The following SMARCA2 variants were observed in gnomAD, a reference collection of about 807,000 sequenced individuals.
SMARCA2 encodes SWI/SNF related BAF chromatin remodeling complex subunit ATPase 2, also known as SWI/SNF-related matrix-associated actin-dependent regulator of chromatin subfamily A member 2.
Under a neutral mutation model 199.8 loss-of-function variants are expected in SMARCA2, and 61 were observed. The observed-to-expected ratio is 0.31, with a 90% confidence interval of 0.25 to 0.38. SMARCA2 has a LOEUF of 0.38. Among genes scored for constraint, SMARCA2 ranks in the 10% least tolerant of loss-of-function variants. The probability of loss-of-function intolerance (pLI) is 1.00; values close to 1 mark genes in which losing one functional copy is unlikely to be tolerated. For synonymous variants in SMARCA2, 935 were observed against 732.0 expected (o/e 1.28, Z -4.48); for missense variants, 1,344 against 2,012.2 (o/e 0.67, Z 6.35).
intron 24 of SMARCA2, among the ~76,000 whole-genome samples, chr9:2,114,716 A>G (rs138626178): frequency 3.2e-4 from 49 of 152,354 alleles, no homozygotes; most frequent in African/African-American, 1.1e-3. Flanking sequence ...AATTTCATGA[A>G]AGCTTTTTTC....
intron 12 of SMARCA2, among the ~76,000 whole-genome samples, chr9:2,076,020 C>T (rs1821309325): frequency 6.6e-6 from 1 of 151,862 alleles, no homozygotes; most frequent in Non-Finnish European, 1.5e-5. Context: ...CAGAGAGTTC[C>T]CTTCATTATC....
intron 3 of SMARCA2, among the ~76,000 whole-genome samples, chr9:2,036,280 A>G (rs1819329193): frequency 6.6e-6 from 1 of 152,048 alleles, no homozygotes; most frequent in Admixed American, 6.6e-5. Flanking sequence ...GAGAGAGGTT[A>G]TTGCATCTCT....
rs187859588 is a variant in SMARCA2 at position 2,097,616 on chromosome 9, G to C, written c.3078+145G>C. The C allele has an allele frequency of 8.8e-6, 5 of 569,220 alleles. No homozygotes were observed. The East Asian group carries it at 1.4e-4, about 16-fold the overall frequency. 35.3% of individuals were successfully genotyped at this position (569,220 alleles called of 1,614,324 possible). On this transcript the variant is annotated intron_variant, in intron 21 of 33. Coordinates refer to ENST00000349721, the MANE Select transcript of SMARCA2 (RefSeq NM_003070.5). ...TTGAGATGACATGATCTGATAGCTC[G>C]ACAAGCAGAATTAACAAACATGAGT...
rs147061898 is a variant in SMARCA2, at chr9:2,142,673, A to G, written c.3981+18736A>G. Among the ~76,000 whole-genome samples the G allele has an allele frequency of 9.1e-3, 1,379 of 152,352 alleles. 17 individuals are homozygous for G. Among genetic ancestry groups the G allele is most frequent in the African/African-American group, 0.031 (1,304 of 41,582 alleles). On this transcript the variant is annotated intron_variant, in intron 27 of 33. Coordinates refer to ENST00000349721, the MANE Select transcript of SMARCA2 (RefSeq NM_003070.5). ...AAAATAAGAAGATTGTGTAGTTACT[A>G]GTTAAAATAAAGGCAGTTTAAAGAG...
At chr9:2,156,793 C>T (rs1029673445) in intron 27 of SMARCA2, among the ~76,000 whole-genome samples, 4 of 152,142 alleles carry the variant, frequency 2.6e-5, no homozygotes, top group East Asian at 3.9e-4. Context: ...GTTGTGCAAC[C>T]ATCACCAACA....
intron 27 of SMARCA2, chr9:2,157,820 C>T (rs901381762): frequency 2.5e-6 from 1 of 398,174 alleles, no homozygotes; most frequent in Non-Finnish European, 4.4e-6. Flanking sequence ...ATTCTTTACA[C>T]CACCGGGTTG....
intron 9 of SMARCA2, among the ~76,000 whole-genome samples, chr9:2,067,393 C>G (rs1820890687): frequency 6.6e-6 from 1 of 152,224 alleles, no homozygotes; most frequent in Non-Finnish European, 1.5e-5. Flanking sequence ...ACAGAAATCC[C>G]TGACCTCATA....
At chr9:2,026,728 G>T (rs762721498) in intron 1 of SMARCA2, among the ~76,000 whole-genome samples, 3 of 152,138 alleles carry the variant, frequency 2.0e-5, no homozygotes, top group African/African-American at 7.2e-5. Flanking sequence ...AAATAAAAGG[G>T]TGTATTAGTG....
At chr9:2,031,794 G>A (rs1318894881) in intron 2 of SMARCA2, among the ~76,000 whole-genome samples, 1 of 152,186 alleles carries the variant, frequency 6.6e-6, no homozygotes, top group Non-Finnish European at 1.5e-5. Flanking sequence ...CACACCTGCT[G>A]ACCAGATGCC....
chr9:2,119,816 T>A lies in SMARCA2; in HGVS notation c.3762+281T>A, dbSNP rs1018197219. 6.6e-6 allele frequency among the ~76,000 whole-genome samples: 1 copy of A among 152,216 alleles called. No individual in the cohort carries two copies. Among genetic ancestry groups the A allele is most frequent in the East Asian group, 1.9e-4 (1 of 5,194 alleles). On this transcript the variant is annotated intron_variant, in intron 26 of 33. Coordinates refer to ENST00000349721, the MANE Select transcript of SMARCA2 (RefSeq NM_003070.5). The surrounding 1 kb of genome is among the most constrained non-coding windows in gnomAD (Gnocchi z 4.6). The stretch of plus-strand genomic sequence containing the variant: ...GAGATCGGGCAGTACCAGGCCCACA[T>A]CTTTGTGTGGAAACAGTTGGCCAGG...
At chr9:2,187,407 C>T (rs974868397) in intron 32 of SMARCA2, among the ~76,000 whole-genome samples, 1 of 152,010 alleles carries the variant, frequency 6.6e-6, no homozygotes, top group Non-Finnish European at 1.5e-5. Context: ...CATGTTGGCT[C>T]ACAAATATAA....
chr9:2,046,906 C>T (rs898364612), intron 4 of SMARCA2, among the ~76,000 whole-genome samples: 9 of 152,192 alleles, frequency 5.9e-5, no homozygotes, highest in African/African-American at 1.7e-4. Flanking sequence ...TGTATTAAGT[C>T]ACCGTCATTT....
intron 9 of SMARCA2, among the ~76,000 whole-genome samples, chr9:2,062,275 A>T (rs1820627664): frequency 1.3e-5 from 2 of 152,208 alleles, no homozygotes; most frequent in Non-Finnish European, 2.9e-5. Context: ...GAGAGATGGA[A>T]TTCTGGAATA....
intron 1 of SMARCA2, among the ~76,000 whole-genome samples, chr9:2,023,037 C>G (rs1317527799): frequency 6.6e-6 from 1 of 152,136 alleles, no homozygotes; most frequent in Non-Finnish European, 1.5e-5. Flanking sequence ...CTTTTTAAAA[C>G]AATTTTTCCT....
intron 9 of SMARCA2, among the ~76,000 whole-genome samples, chr9:2,067,664 C>A (rs1401728714): frequency 6.6e-6 from 1 of 152,196 alleles, no homozygotes; most frequent in Non-Finnish European, 1.5e-5. Context: ...TGCTCAAGAT[C>A]ATACAGCTAA....
intron 21 of SMARCA2, among the ~76,000 whole-genome samples, chr9:2,099,915 G>C (rs1822436944): frequency 6.6e-6 from 1 of 152,196 alleles, no homozygotes; most frequent in South Asian, 2.1e-4. Flanking sequence ...TGGAGACAGG[G>C]ATGGAGCCTA....
rs535671979 is a variant in SMARCA2, at chr9:2,186,481, C to G, written c.4594+253C>G. 3.9e-5 allele frequency among the ~76,000 whole-genome samples: 6 copies of G among 152,270 alleles called. No individual in the cohort carries two copies. In the South Asian group the frequency reaches 6.2e-4, roughly 16 times the overall value. ...TGTTTAGCATAGGCTGGGCTCCTAG[C>G]AAACACTGTTTTATTTCTTTTATTT... On this transcript the variant is annotated intron_variant, in intron 32 of 33. Transcript: ENST00000349721.
Position 2,086,111 on chromosome 9 carries a change from A to C in SMARCA2, c.2527-718A>C, listed in dbSNP as rs982772369. ...TTTTGCAGTGCGCTTTCTGCCAGTG[A>C]GTATATTCTTTTATTTTAGATAAAA... On this transcript the variant is annotated intron_variant, in intron 17 of 33. Coordinates refer to ENST00000349721, the MANE Select transcript of SMARCA2 (RefSeq NM_003070.5). The surrounding 1 kb of genome is among the most constrained non-coding windows in gnomAD (Gnocchi z 4.3). 5.9e-5 allele frequency: 9 copies of C among 152,254 alleles called. No homozygotes were observed. Among genetic ancestry groups the C allele is most frequent in the Non-Finnish European group, 1.0e-4 (7 of 68,090 alleles). 9.4% of individuals were successfully genotyped at this position (152,254 alleles called of 1,614,324 possible). A position where few individuals can be genotyped will look rare whatever the true frequency, so the allele number is the denominator to read the frequency against.
chr9:2,077,146 A>C (rs1203354917), intron 13 of SMARCA2, among the ~76,000 whole-genome samples: 1 of 152,076 alleles, frequency 6.6e-6, no homozygotes, highest in Non-Finnish European at 1.5e-5. Flanking sequence ...AGAAGATAGA[A>C]GCCTACCTTT....
Sources: allele counts gnomAD v4.1 joint callset (sites outside exome capture counted in the v4.1 genomes callset), GRCh38; gene constraint gnomAD v4.1.1; non-coding constraint Gnocchi (gnomAD v3.1); transcripts MANE v1.5; gene names NCBI Gene and HGNC (gene_info 2026-07-23, HGNC 2026-07-21).